The following AP2A1 variants were observed in gnomAD, a reference collection of about 807,000 sequenced individuals.
The protein encoded by AP2A1 is adaptor related protein complex 2 subunit alpha 1.
A neutral mutation model predicts 107.3 loss-of-function variants in AP2A1; 21 were observed. The observed-to-expected ratio is 0.20, with a 90% CI of 0.14 to 0.28. The LOEUF (loss-of-function observed/expected upper bound fraction) is 0.28, where lower values mean the gene tolerates loss of function less well. Ranked by LOEUF, AP2A1 falls within the 10% of genes least tolerant of loss-of-function variation. The pLI is 1.00. For synonymous variants in AP2A1, 602 were observed against 564.8 expected (o/e 1.07, Z -0.93); for missense variants, 873 against 1,307.7 (o/e 0.67, Z 5.13).
chr19:49,805,424 G>A, intron 18 of AP2A1, 29 bp from the exon 19 acceptor site: 1 of 1,516,876 alleles, frequency 6.6e-7, no homozygotes, highest in South Asian at 1.2e-5. Context: ...CACCTCCTCT[G>A]TCTGGCTTCC....
At chr19:49,801,183 C>A (rs2073274511) in intron 12 of AP2A1, 125 bp downstream of exon 12, 2 of 1,018,926 alleles carry the variant, frequency 2.0e-6, no homozygotes, top group African/African-American at 1.6e-5. Flanking sequence ...CCACCCCAAT[C>A]CACCTAGCAG....
At position 49,772,321 on chromosome 19, in the gene AP2A1, G is replaced by A. The variant is rs1267178148; in HGVS notation, c.67+5121G>A. Reference sequence around the variant, plus strand: ...GTCGCCCAGGCTGGAGTGCAGTGGCGCGATCTCCGCTCACTGCAAGCTCCA... The same window carrying A: ...GTCGCCCAGGCTGGAGTGCAGTGGCACGATCTCCGCTCACTGCAAGCTCCA... On this transcript the variant is annotated intron_variant, in intron 1 of 22. Coordinates refer to ENST00000354293, the MANE Select transcript of AP2A1 (RefSeq NM_130787.3). Among the ~76,000 whole-genome samples the A allele has an allele frequency of 2.2e-5, 3 of 138,244 alleles. No individual in the cohort carries two copies. The Admixed American group carries it at 2.3e-4, about 11-fold the overall frequency. The allele number at this position is 138,244 out of a possible 152,430, so 90.7% of individuals were successfully genotyped here.
chr19:49,783,626 C>T (rs1291704191), intron 4 of AP2A1, among the ~76,000 whole-genome samples: 1 of 152,106 alleles, frequency 6.6e-6, no homozygotes, highest in East Asian at 1.9e-4. Flanking sequence ...GCACACAGGC[C>T]ACAAGCTAAG....
intron 12 of AP2A1, 43 bp downstream of exon 12, chr19:49,801,101 G>C (rs1214673351): frequency 6.5e-7 from 1 of 1,540,118 alleles, no homozygotes; most frequent in South Asian, 1.2e-5. Flanking sequence ...ACATGCTTCT[G>C]AGGGGTCCAG....
intron 1 of AP2A1, among the ~76,000 whole-genome samples, chr19:49,774,107 C>T (rs1252928323): frequency 6.6e-6 from 1 of 152,214 alleles, no homozygotes; most frequent in African/African-American, 2.4e-5. Context: ...GGAAGTCAAA[C>T]AGATTTCAAT....
In AP2A1 at chr19:49,801,999, G is replaced by A. The variant is rs867951286; in HGVS notation, c.1972G>A (p.Ala658Thr). 3 of 1,530,176 alleles carry A rather than the reference G, an allele frequency of 2.0e-6. No homozygotes were observed. Among genetic ancestry groups the A allele is most frequent in the African/African-American group, 1.4e-5 (1 of 72,520 alleles). 94.8% of individuals were successfully genotyped at this position (1,530,176 alleles called of 1,614,324 possible). ...PSTVSTPSPS[A>T]DLLGLRAAPP... is the part of the protein sequence containing the mutation. ...CCTACAGTCGACGCCCTCGCCCTCCGCCGACCTCCTGGGGCTGCGGGCAGC... is the reference window on the plus strand; with the variant it reads ...CCTACAGTCGACGCCCTCGCCCTCCACCGACCTCCTGGGGCTGCGGGCAGC... The change falls in exon 15 of 23, where the codon GCC becomes ACC. Residue 658 changes from alanine (A) to threonine (T), a missense_variant. Transcript: ENST00000354293.
At chr19:49,793,383 C>T (rs907578591) in intron 6 of AP2A1, among the ~76,000 whole-genome samples, 12 of 152,186 alleles carry the variant, frequency 7.9e-5, no homozygotes, top group African/African-American at 2.4e-4. Context: ...CCTCGCGGGC[C>T]GAGCACCCCG....
At chr19:49,800,328 T>G (rs1206852588) in intron 11 of AP2A1, among the ~76,000 whole-genome samples, 178 bp downstream of exon 11, 3 of 152,194 alleles carry the variant, frequency 2.0e-5, no homozygotes, top group African/African-American at 7.2e-5. Flanking sequence ...GGCTATGGTC[T>G]CATGGGCCTG....
At position 49,801,976 on chromosome 19, in the gene AP2A1, T is replaced by G; in HGVS notation, c.1954-5T>G. Reference sequence around the variant, plus strand: ...TGTCCTCACCGTGACCTGCGCTTCCTACAGTCGACGCCCTCGCCCTCCGCC... The same window carrying G: ...TGTCCTCACCGTGACCTGCGCTTCCGACAGTCGACGCCCTCGCCCTCCGCC... On this transcript the variant is annotated splice_region_variant and splice_polypyrimidine_tract_variant and intron_variant, in intron 14 of 22. Coordinates refer to ENST00000354293, the MANE Select transcript of AP2A1 (RefSeq NM_130787.3). 4.7e-6 allele frequency: 7 copies of G among 1,494,204 alleles called. No individual in the cohort carries two copies. The highest frequency in any genetic ancestry group is 6.2e-6 in the Non-Finnish European group (7 of 1,126,650). 92.6% of individuals were successfully genotyped at this position (1,494,204 alleles called of 1,614,324 possible). A position where few individuals can be genotyped will look rare whatever the true frequency, so the allele number is the denominator to read the frequency against.
chr19:49,805,517 G>A lies in AP2A1; in HGVS notation c.2409G>A (p.Val803=). 1 of 1,568,696 alleles carries A rather than the reference G, an allele frequency of 6.4e-7. No homozygotes were observed. The highest frequency in any genetic ancestry group is 8.6e-7 in the Non-Finnish European group (1 of 1,158,022). The change falls in exon 19 of 23, where the codon GTG becomes GTA. Residue 803 remains valine, a synonymous_variant. Transcript: ENST00000354293. The stretch of plus-strand genomic sequence containing the variant: ...ACGGCGGCGCGCAGGTGCAGCAGGT[G>A]CTCAATATCGAGTGCCTGCGGGACT... The part of the protein sequence containing the change: ...QVDGGAQVQQ[V]LNIECLRDFL...
chr19:49,769,425 CAGT>C (rs1345950198), intron 1 of AP2A1, among the ~76,000 whole-genome samples: 2 of 152,118 alleles, frequency 1.3e-5, no homozygotes, highest in Admixed American at 6.6e-5. Context: ...AGAGGGTACT[CAGT>C]AGGCCTCGTG....
chr19:49,802,375 C>G (rs1568588198), intron 15 of AP2A1: 1 of 906,860 alleles, frequency 1.1e-6, no homozygotes, highest in Non-Finnish European at 1.7e-6. Context: ...TGTCTCCTTT[C>G]CTGTCACCGT....
rs1300278483 is a variant in AP2A1, at chr19:49,782,515, ACCTC to A, written c.280-9_280-6del. Reference sequence around the variant, plus strand: ...GTCACAAGGCTCCTAGCCATCCACGACCTCCCTCCCCACAGGGTTACCTGTTCAT... The same window carrying A: ...GTCACAAGGCTCCTAGCCATCCACGACCTCCCCACAGGGTTACCTGTTCAT... On this transcript the variant is annotated splice_polypyrimidine_tract_variant and intron_variant, in intron 3 of 22. Transcript: ENST00000354293. 1.2e-5 allele frequency: 19 copies of A among 1,610,276 alleles called. No individual in the cohort carries two copies. Among genetic ancestry groups the A allele is most frequent in the Non-Finnish European group, 1.5e-5 (18 of 1,177,974 alleles).
chr19:49,768,701 G>T (rs2084528033), intron 1 of AP2A1, among the ~76,000 whole-genome samples: 1 of 152,094 alleles, frequency 6.6e-6, no homozygotes, highest in Admixed American at 6.6e-5. Context: ...ATAAGGGGCG[G>T]GGCTATGGGG....
chr19:49,794,655 AG>A (rs1219913597), intron 6 of AP2A1, among the ~76,000 whole-genome samples: 1 of 151,988 alleles, frequency 6.6e-6, no homozygotes, highest in African/African-American at 2.4e-5. Flanking sequence ...GAGGAAAAAA[AG>A]TCACATGATC....
intron 1 of AP2A1, among the ~76,000 whole-genome samples, chr19:49,774,756 AC>A (rs1309439781): frequency 6.6e-6 from 1 of 151,180 alleles, no homozygotes; most frequent in African/African-American, 2.4e-5. Context: ...CTCCGTCTCT[AC>A]TAAAAATACA....
intron 1 of AP2A1, among the ~76,000 whole-genome samples, chr19:49,769,053 C>T (rs2084531728): frequency 6.6e-6 from 1 of 152,088 alleles, no homozygotes; most frequent in African/African-American, 2.4e-5. Context: ...AGTTCAAGAC[C>T]AACCTGGCCA....
Position 49,793,103 on chromosome 19 carries a change from C to T in AP2A1, c.705+11C>T, listed in dbSNP as rs767576372. The T allele has an allele frequency of 3.8e-6, 6 of 1,591,028 alleles. No homozygotes were observed. The highest frequency in any genetic ancestry group is 5.1e-6 in the Non-Finnish European group (6 of 1,169,004). ...TCGCGCCTGAGCCGGGTGGGTGTGG[C>T]CTAGATATTGGCTGCTGGAGGTGGC... On this transcript the variant is annotated intron_variant, in intron 6 of 22. Coordinates refer to ENST00000354293, the MANE Select transcript of AP2A1 (RefSeq NM_130787.3).
chr19:49,802,680 C>T, intron 15 of AP2A1: 4 of 1,342,082 alleles, frequency 3.0e-6, no homozygotes, highest in Non-Finnish European at 4.0e-6. Context: ...ACTGGGAGCC[C>T]TCGTCAACGG....
Sources: gnomAD v4.1 joint callset for allele counts (sites outside exome capture counted in the v4.1 genomes callset) on GRCh38, gnomAD v4.1.1 for gene constraint, MANE v1.5 for transcripts, NCBI Gene and HGNC (gene_info 2026-07-23, HGNC 2026-07-21) for gene names.